The following DAB1 variants were observed in gnomAD, a reference collection of about 807,000 sequenced individuals.
DAB1 encodes the protein disabled homolog 1.
In DAB1, 15 loss-of-function variants were observed where a neutral mutation model predicts 64.6. The observed-to-expected ratio is 0.23, with a 90% CI of 0.16 to 0.36. The LOEUF is 0.36. DAB1 is among the 10% of genes least tolerant of loss of function. DAB1 has a pLI of 1.00. For synonymous variants in DAB1, 235 were observed against 251.9 expected, an observed-to-expected ratio of 0.93 and a Z score of 0.64; for missense variants, 596 against 706.7, an observed-to-expected ratio of 0.84 and a Z score of 1.78.
At chr1:58,047,793 C>T (rs767231146) in intron 5 of DAB1, 1 of 232,460 alleles carries the variant, frequency 4.3e-6, no homozygotes, top group Non-Finnish European at 8.5e-6. Context: ...CAGTCAACAA[C>T]TGTTTATCCG....
rs149617314 is a variant in DAB1 at position 57,394,003 on chromosome 1, C to T, written c.-137+29927G>A. ...TAGAACCTTGATTCAAAAACTTGCT[C>T]ATTATCCTTTCCTGCTTTGGTCACT... On this transcript the variant is annotated intron_variant, in intron 1 of 14. Transcript: ENST00000371236. Among the ~76,000 whole-genome samples the T allele has an allele frequency of 0.01, 1,563 of 152,290 alleles. 42 individuals carry two copies. In the South Asian group the frequency reaches 0.11, roughly 11 times the overall value.
At chr1:57,615,474 C>T (rs970721688) in intron 7 of DAB1, among the ~76,000 whole-genome samples, 2 of 152,218 alleles carry the variant, frequency 1.3e-5, no homozygotes, top group East Asian at 1.9e-4. Flanking sequence ...CAGAGTAGCA[C>T]TGCCAAATCC....
At chr1:57,378,789 C>T (rs1375440413) in intron 1 of DAB1, among the ~76,000 whole-genome samples, 1 of 152,136 alleles carries the variant, frequency 6.6e-6, no homozygotes, top group Non-Finnish European at 1.5e-5. Flanking sequence ...GCACAGAATG[C>T]CTCAGCGACT....
At chr1:58,083,160 G>A (rs1014869279) in intron 5 of DAB1, among the ~76,000 whole-genome samples, 31 of 152,088 alleles carry the variant, frequency 2.0e-4, no homozygotes, top group African/African-American at 7.2e-4. Context: ...AAGAAATAAA[G>A]GCACGTCAGC....
chr1:57,582,047 G>A (rs1645319484), intron 7 of DAB1, among the ~76,000 whole-genome samples: 1 of 152,114 alleles, frequency 6.6e-6, no homozygotes, highest in African/African-American at 2.4e-5. Flanking sequence ...GGAACAGAGA[G>A]AGGAAGCTCT....
intron 2 of DAB1, chr1:58,527,217 G>C (rs779854559): frequency 3.5e-6 from 3 of 854,592 alleles, no homozygotes; most frequent in Non-Finnish European, 6.2e-6. Context: ...TTATCTTTCA[G>C]CCTGGGAAGG....
intron 7 of DAB1, among the ~76,000 whole-genome samples, chr1:57,590,881 G>A (rs1034598654): frequency 9.9e-5 from 15 of 151,390 alleles, no homozygotes; most frequent in East Asian, 1.9e-4. Flanking sequence ...TGATCCTAAA[G>A]TATACATACA....
intron 3 of DAB1, among the ~76,000 whole-genome samples, chr1:58,359,918 CA>C (rs1644148526): frequency 6.6e-6 from 1 of 152,130 alleles, no homozygotes; most frequent in Non-Finnish European, 1.5e-5. Context: ...GGATTTTAGG[CA>C]AGGTGATTCA....
At chr1:57,637,422 C>T (rs921871466) in intron 7 of DAB1, among the ~76,000 whole-genome samples, 1 of 152,136 alleles carries the variant, frequency 6.6e-6, no homozygotes, top group Non-Finnish European at 1.5e-5. Flanking sequence ...CAAAGAATTC[C>T]CAGAGGAGGC....
chr1:58,225,799 C>CG (rs36128062), intron 4 of DAB1, among the ~76,000 whole-genome samples: 24,475 of 108,198 alleles, frequency 0.23, 3,064 homozygotes, highest in East Asian at 0.45. Flanking sequence ...CATCACACAC[C>CG]GGGCCTGTTG....
At chr1:57,452,279 T>C (rs1686412898) in intron 7 of DAB1, among the ~76,000 whole-genome samples, 2 of 150,760 alleles carry the variant, frequency 1.3e-5, no homozygotes, top group Admixed American at 6.7e-5. Context: ...TCTTCTCCTG[T>C]CTTAAAAGTG....
chr1:58,247,695 C>A (rs945283678), intron 4 of DAB1, among the ~76,000 whole-genome samples: 2 of 152,200 alleles, frequency 1.3e-5, no homozygotes, highest in East Asian at 1.9e-4. Flanking sequence ...TTGCTTCATG[C>A]GGGCTCTGGT....
chr1:57,075,497 C>T (rs1651905327), intron 4 of DAB1, among the ~76,000 whole-genome samples: 1 of 152,186 alleles, frequency 6.6e-6, no homozygotes, highest in Non-Finnish European at 1.5e-5. Context: ...TATGTCTTCC[C>T]TCTCTGCAAC....
chr1:57,099,967 A>G (rs990143840), intron 4 of DAB1, among the ~76,000 whole-genome samples: 3 of 152,172 alleles, frequency 2.0e-5, no homozygotes, highest in Non-Finnish European at 2.9e-5. Context: ...GTCCAGGCAA[A>G]TGGTGCTGAT....
intron 4 of DAB1, among the ~76,000 whole-genome samples, chr1:58,244,829 T>A (rs1660459186): frequency 6.6e-6 from 1 of 152,178 alleles, no homozygotes; most frequent in Non-Finnish European, 1.5e-5. Flanking sequence ...AACCAGAGAA[T>A]ACAGGTAGTG....
chr1:57,965,107 T>C (rs1196718407), intron 5 of DAB1, among the ~76,000 whole-genome samples: 1 of 115,602 alleles, frequency 8.7e-6, no homozygotes, highest in Non-Finnish European at 2.1e-5. Context: ...GGCCACACAA[T>C]AGACAGCGTG....
Position 58,377,917 on chromosome 1 carries a change from C to G in DAB1, n.258-34514G>C, listed in dbSNP as rs1238754757. ...TTTCTCTAAACTTCCCTTCTCGCTT[C>G]ATTTCATTCATTTCATCTTCCATTG... On this transcript the variant is annotated intron_variant and non_coding_transcript_variant, in intron 3 of 20. Transcript: ENST00000485760. Among the ~76,000 whole-genome samples the G allele has an allele frequency of 1.4e-5, 2 of 139,732 alleles. 1 individual carries two copies. The highest frequency in any genetic ancestry group is 3.2e-5 in the Non-Finnish European group (2 of 62,134). The allele number at this position is 139,732 out of a possible 152,430, so 91.7% of individuals were successfully genotyped here. A position where few individuals can be genotyped will look rare whatever the true frequency, so the allele number is the denominator to read the frequency against.
In DAB1 at chr1:57,023,382, C is replaced by T; in HGVS notation, c.895+149G>A. On this transcript the variant is annotated intron_variant, in intron 11 of 14. Coordinates refer to ENST00000371236, the MANE Select transcript of DAB1 (RefSeq NM_001365792.1). ...GAGCTCTGGACCCCAACACCACCTC[C>T]TCCTCTAAATAGCTTCTCAATGTCA... 6 of 592,956 alleles carry T rather than the reference C, an allele frequency of 1.0e-5. No individual in the cohort carries two copies. The South Asian group carries it at 1.2e-4, about 12-fold the overall frequency. 36.7% of individuals were successfully genotyped at this position (592,956 alleles called of 1,614,324 possible).
intron 1 of DAB1, among the ~76,000 whole-genome samples, chr1:57,336,401 A>C (rs1361402304): frequency 6.6e-6 from 1 of 152,218 alleles, no homozygotes; most frequent in South Asian, 2.1e-4. Flanking sequence ...TGGATTCAGA[A>C]AACACTGAAA....
Sources: allele counts gnomAD v4.1 joint callset (sites outside exome capture counted in the v4.1 genomes callset), GRCh38; gene constraint gnomAD v4.1.1; transcripts MANE v1.5; gene names NCBI Gene and HGNC (gene_info 2026-07-23, HGNC 2026-07-21).